The following RAB38 variants were observed in gnomAD, a reference collection of about 807,000 sequenced individuals.
RAB38 encodes the protein RAB38, member RAS oncogene family.
RAB38 carries 15 observed loss-of-function variants against 18.4 expected under a neutral mutation model. That is an observed-to-expected ratio of 0.82 (90% confidence interval 0.55 to 1.26). The LOEUF is 1.26. Among genes scored for constraint, RAB38 ranks in the 50% most tolerant of loss-of-function variants. RAB38 has a pLI of 0.00. For missense variants in RAB38, 294 were observed against 267.4 expected, an observed-to-expected ratio of 1.10 and a Z score of -0.69; for synonymous variants, 101 against 104.4, an observed-to-expected ratio of 0.97 and a Z score of 0.20.
At chr11:87,854,122 T>C in the RAB38 span, among the ~76,000 whole-genome samples, 2 of 36,602 alleles carry the variant, frequency 5.5e-5, no homozygotes, top group Non-Finnish European at 1.3e-4. Flanking sequence ...CAATCACACC[T>C]GCAAAGGTTT....
intron 1 of RAB38, among the ~76,000 whole-genome samples, chr11:88,159,472 T>C (rs1477814212): frequency 6.6e-6 from 1 of 151,632 alleles, no homozygotes; most frequent in Non-Finnish European, 1.5e-5. Context: ...TTCACAGAAC[T>C]AGAAAAAACT....
chr11:88,026,004 C>T, the RAB38 span, among the ~76,000 whole-genome samples: 6 of 151,882 alleles, frequency 4.0e-5, no homozygotes, highest in South Asian at 2.1e-4. Flanking sequence ...CTCGCTGTGT[C>T]GCCAGGCTGG....
chr11:87,941,259 T>G, the RAB38 span, among the ~76,000 whole-genome samples: 1 of 68,136 alleles, frequency 1.5e-5, no homozygotes, highest in Non-Finnish European at 2.9e-5. Flanking sequence ...AACTTCTATT[T>G]TCTCGCTTCA....
chr11:88,101,240 G>C, the RAB38 span, among the ~76,000 whole-genome samples: 23 of 151,862 alleles, frequency 1.5e-4, no homozygotes, highest in African/African-American at 5.6e-4. Context: ...CAAGCTTTCT[G>C]AAAATAATAT....
At chr11:87,969,332 T>C in the RAB38 span, among the ~76,000 whole-genome samples, 5 of 152,034 alleles carry the variant, frequency 3.3e-5, no homozygotes, top group Admixed American at 3.3e-4. Context: ...AATGAAAACT[T>C]CCATATCCAA....
At chr11:87,935,719 A>G in the RAB38 span, among the ~76,000 whole-genome samples, 1 of 151,928 alleles carries the variant, frequency 6.6e-6, no homozygotes, top group South Asian at 2.1e-4. Flanking sequence ...TACCATAAGG[A>G]TCTCTCTTGT....
the RAB38 span, among the ~76,000 whole-genome samples, chr11:88,043,617 C>T: frequency 3.4e-5 from 5 of 148,540 alleles, no homozygotes; most frequent in Admixed American, 6.7e-5. Context: ...CCCACCCTGC[C>T]CACCGAGAAC....
chr11:87,865,519 T>C, the RAB38 span, among the ~76,000 whole-genome samples: 4 of 151,660 alleles, frequency 2.6e-5, no homozygotes, highest in Admixed American at 6.6e-5. Context: ...GAGTCTCCCA[T>C]AGGAACCCAG....
At chr11:88,066,830 A>G in the RAB38 span, among the ~76,000 whole-genome samples, 1 of 152,242 alleles carries the variant, frequency 6.6e-6, no homozygotes, top group African/African-American at 2.4e-5. Flanking sequence ...TATTTTATGT[A>G]TAAAGTTTGA....
chr11:88,005,799 GT>G, the RAB38 span, among the ~76,000 whole-genome samples: 19 of 151,468 alleles, frequency 1.3e-4, no homozygotes, highest in African/African-American at 3.6e-4. Flanking sequence ...TAAGGGTCTA[GT>G]TTTGTTCTTC....
chr11:87,877,690 AAC>A, the RAB38 span, among the ~76,000 whole-genome samples: 1 of 151,552 alleles, frequency 6.6e-6, no homozygotes, highest in African/African-American at 2.4e-5. Context: ...CCCCAGGTAT[AAC>A]ACTAGCCCTC....
At chr11:88,056,800 T>C in the RAB38 span, among the ~76,000 whole-genome samples, 2 of 134,328 alleles carry the variant, frequency 1.5e-5, no homozygotes, top group Non-Finnish European at 3.1e-5. Context: ...CGAGACTCCG[T>C]CTCAATAAAT....
chr11:87,870,344 G>C, the RAB38 span, among the ~76,000 whole-genome samples: 5 of 151,510 alleles, frequency 3.3e-5, no homozygotes, highest in African/African-American at 1.2e-4. Context: ...CGTGAAAATG[G>C]CTCAGAATCA....
chr11:87,975,321 A>G, the RAB38 span, among the ~76,000 whole-genome samples: 2 of 151,932 alleles, frequency 1.3e-5, no homozygotes, highest in African/African-American at 4.8e-5. Flanking sequence ...GCCCACTACA[A>G]TCCAGAATTC....
chr11:87,939,508 T>C, the RAB38 span, among the ~76,000 whole-genome samples: 1 of 152,114 alleles, frequency 6.6e-6, no homozygotes, highest in Non-Finnish European at 1.5e-5. Flanking sequence ...TACAGTTGTT[T>C]AGTGGCATAC....
At chr11:87,863,254 A>G in the RAB38 span, among the ~76,000 whole-genome samples, 1 of 151,860 alleles carries the variant, frequency 6.6e-6, no homozygotes. Flanking sequence ...TTATTTCCTC[A>G]TCTTTAAAAT....
intron 2 of RAB38, 34 bp from the exon 3 acceptor site, chr11:88,114,174 T>C (rs1259029429): frequency 6.2e-7 from 1 of 1,605,574 alleles, no homozygotes; most frequent in Admixed American, 1.7e-5. Flanking sequence ...CTTTTCTTAT[T>C]CAATACTCTG....
chr11:87,822,971 TA>T, the RAB38 span, among the ~76,000 whole-genome samples: 2 of 152,194 alleles, frequency 1.3e-5, no homozygotes, highest in Admixed American at 6.5e-5. Context: ...TTTATAATGA[TA>T]AAAAGTTAAT....
the RAB38 span, among the ~76,000 whole-genome samples, chr11:87,976,087 G>C: frequency 2.7e-4 from 40 of 150,010 alleles, no homozygotes; most frequent in African/African-American, 9.7e-4. Context: ...CCTCAAAAAA[G>C]TCTGGTATAT....
Sources: gnomAD v4.1 joint callset for allele counts (sites outside exome capture counted in the v4.1 genomes callset) on GRCh38, gnomAD v4.1.1 for gene constraint, MANE v1.5 for transcripts, NCBI Gene and HGNC (gene_info 2026-07-23, HGNC 2026-07-21) for gene names.